The following CCDC88A variants were observed in gnomAD, a reference collection of about 807,000 sequenced individuals.
CCDC88A encodes coiled-coil and HOOK domain protein 88A, also known as girdin.
A neutral mutation model predicts 234.3 loss-of-function variants in CCDC88A; 54 were observed. The ratio of observed to expected loss-of-function variants is 0.23; its 90% CI spans 0.19 to 0.29. The LOEUF (loss-of-function observed/expected upper bound fraction) is 0.29, where lower values mean the gene tolerates loss of function less well. CCDC88A is among the 10% of genes least tolerant of loss of function. CCDC88A has a pLI of 1.00. For missense variants in CCDC88A, 1,832 were observed against 2,123.4 expected, an observed-to-expected ratio of 0.86 and a Z score of 2.70; for synonymous variants, 753 against 737.8, an observed-to-expected ratio of 1.02 and a Z score of -0.33.
chr2:55,376,543 T>C (rs954254612), intron 3 of CCDC88A, among the ~76,000 whole-genome samples: 1 of 152,190 alleles, frequency 6.6e-6, no homozygotes, highest in African/African-American at 2.4e-5. Flanking sequence ...CTATAATTCT[T>C]TATAGATATA....
intron 22 of CCDC88A, 119 bp downstream of exon 22, chr2:55,315,809 C>A: frequency 5.8e-6 from 3 of 513,522 alleles, no homozygotes; most frequent in Admixed American, 3.2e-5. Flanking sequence ...AGACCAAATT[C>A]TTTTAGATAT....
chr2:55,386,417 T>G (rs182720454), intron 3 of CCDC88A, among the ~76,000 whole-genome samples: 1 of 152,016 alleles, frequency 6.6e-6, no homozygotes, highest in East Asian at 1.9e-4. Context: ...CTGGGCAACA[T>G]AGTGAGACTC....
At chr2:55,351,156 C>G (rs1430449524) in intron 8 of CCDC88A, among the ~76,000 whole-genome samples, 1 of 151,982 alleles carries the variant, frequency 6.6e-6, no homozygotes, top group East Asian at 1.9e-4. Flanking sequence ...CCCAGCCTTG[C>G]TTTGAACTCT....
rs1266498277 is a variant in CCDC88A at position 55,388,769 on chromosome 2, A to T, written c.273+9T>A. On this transcript the variant is annotated intron_variant, in intron 3 of 32. Transcript: ENST00000436346. ...ATTAAAACCCCAGATTTTTAAAAAGAGCACTTACCTGGTAATAAAATTTTA... is the reference window on the plus strand; with the variant it reads ...ATTAAAACCCCAGATTTTTAAAAAGTGCACTTACCTGGTAATAAAATTTTA... The T allele has an allele frequency of 2.9e-6, 3 of 1,045,264 alleles. No individual in the cohort carries two copies. Among genetic ancestry groups the T allele is most frequent in the Non-Finnish European group, 4.3e-6 (3 of 692,718 alleles). The allele number at this position is 1,045,264 out of a possible 1,614,324, so 64.7% of individuals were successfully genotyped here. A position where few individuals can be genotyped will look rare whatever the true frequency, so the allele number is the denominator to read the frequency against.
chr2:55,343,560 C>T (rs1668752513), intron 12 of CCDC88A, 88 bp downstream of exon 12: 2 of 957,614 alleles, frequency 2.1e-6, no homozygotes, highest in Admixed American at 2.7e-5. Context: ...TGAGATATCT[C>T]CCACTGCGGA....
intron 18 of CCDC88A, chr2:55,321,037 G>A (rs1683560603): frequency 6.6e-6 from 1 of 151,770 alleles, no homozygotes; most frequent in Non-Finnish European, 1.5e-5. Context: ...TTGAGCCTGG[G>A]AGGATGAGGC....
In CCDC88A at chr2:55,419,407, A is replaced by C; in HGVS notation, c.-328T>G. The C allele has an allele frequency of 3.1e-6, 1 of 320,930 alleles. No individual in the cohort carries two copies. Among genetic ancestry groups the C allele is most frequent in the Non-Finnish European group, 5.9e-6 (1 of 169,974 alleles). 19.9% of individuals were successfully genotyped at this position (320,930 alleles called of 1,614,324 possible). On this transcript the variant is annotated 5_prime_UTR_variant, in exon 1 of 33. Transcript: ENST00000436346. ...GGAACCCAAGACAAAAAGCCCGTCA[A>C]GGTTGTCCAGCTCCTGGAGGATCCA...
chr2:55,345,950 A>G (rs1407717854), intron 10 of CCDC88A: 1 of 358,248 alleles, frequency 2.8e-6, no homozygotes, highest in Admixed American at 4.4e-5. Flanking sequence ...AAAAGGAATA[A>G]AAGAAGAACC....
At chr2:55,380,683 T>G (rs946781517) in intron 3 of CCDC88A, among the ~76,000 whole-genome samples, 1 of 152,196 alleles carries the variant, frequency 6.6e-6, no homozygotes, top group Admixed American at 6.5e-5. Context: ...CAGCATGATC[T>G]CGACTCATTG....
rs1301728464 is a variant in CCDC88A at position 55,419,838 on chromosome 2, A to G, written c.-759T>C. 6.6e-6 allele frequency: 1 copy of G among 151,844 alleles called. No individual in the cohort carries two copies. The highest frequency in any genetic ancestry group is 6.6e-5 in the Admixed American group (1 of 15,262). The allele number at this position is 151,844 out of a possible 1,614,324, so 9.4% of individuals were successfully genotyped here. ...CGCGCTCCAGCCTTCTCCGCCCTCT[A>G]TGGAGAAGCCGGAGTAACGGCCTCA... On this transcript the variant is annotated 5_prime_UTR_variant, in exon 1 of 33. Transcript: ENST00000436346.
At chr2:55,382,415 T>C (rs975687392) in intron 3 of CCDC88A, among the ~76,000 whole-genome samples, 1 of 152,170 alleles carries the variant, frequency 6.6e-6, no homozygotes, top group African/African-American at 2.4e-5. Context: ...AGCATTATTT[T>C]AGTGGTGTTT....
chr2:55,406,773 AAT>A lies in CCDC88A; in HGVS notation c.164+12041_164+12042del, dbSNP rs575097957. Among the ~76,000 whole-genome samples, 344 of 152,096 alleles carry A rather than the reference AAT, an allele frequency of 2.3e-3. 1 individual carries two copies. The highest frequency in any genetic ancestry group is 4.1e-3 in the Non-Finnish European group (277 of 67,968). ...GACCCTGTCTCAAATAAAAAAAAAA[AAT>A]CAAAGACTAGTATCCAACATCTAAA... On this transcript the variant is annotated intron_variant, in intron 2 of 32. Coordinates refer to ENST00000436346, the MANE Select transcript of CCDC88A (RefSeq NM_001365480.1).
At position 55,339,620 on chromosome 2, in the gene CCDC88A, C is replaced by T. The variant is rs936385441; in HGVS notation, c.1362G>A (p.Val454=). 1.2e-6 allele frequency: 2 copies of T among 1,609,330 alleles called. No homozygotes were observed. The highest frequency in any genetic ancestry group is 2.7e-5 in the African/African-American group (2 of 74,554). ...ATAATCTACTTGATGTCAACTCATT[C>T]ACCTCATGGCCCAGGGATTTCTGGG... ...EAPQKSLGHE[V]NELTSSRLLK... Residue 454 remains valine, a synonymous_variant, in exon 13 of 33, where the codon GTG becomes GTA. Transcript: ENST00000436346.
chr2:55,349,790 C>T (rs1486334039), intron 8 of CCDC88A, 191 bp from the exon 9 acceptor site: 3 of 487,968 alleles, frequency 6.1e-6, no homozygotes, highest in African/African-American at 6.0e-5. Flanking sequence ...TTAATAAAAC[C>T]TCTTCCCTAA....
chr2:55,398,992 T>G (rs967907010), intron 2 of CCDC88A, among the ~76,000 whole-genome samples: 1 of 152,164 alleles, frequency 6.6e-6, no homozygotes, highest in Non-Finnish European at 1.5e-5. Flanking sequence ...AAATAATACC[T>G]GGCTTTGCAG....
chr2:55,346,308 C>T lies in CCDC88A; in HGVS notation c.908G>A (p.Arg303His), dbSNP rs1297789580. The T allele has an allele frequency of 5.0e-6, 8 of 1,595,646 alleles. No individual in the cohort carries two copies. The highest frequency in any genetic ancestry group is 1.3e-5 in the African/African-American group (1 of 74,528). The change falls in exon 10 of 33, where the codon CGC (arginine) becomes CAC (histidine). Residue 303 changes from arginine (R) to histidine (H), a missense_variant. Physicochemically the swap from Arg to His is conservative, Grantham distance 29 (BLOSUM62 0). Coordinates refer to ENST00000436346, the MANE Select transcript of CCDC88A (RefSeq NM_001365480.1). ...TTCATCTCGGTACATTCTGGCAGAGCGAGCATCCGAAAGCAAATTCATGTT... is the reference window on the plus strand; with the variant it reads ...TTCATCTCGGTACATTCTGGCAGAGTGAGCATCCGAAAGCAAATTCATGTT... ...QENMNLLSDA[R>H]SARMYRDELD... is the part of the protein sequence containing the mutation.
intron 17 of CCDC88A, chr2:55,324,228 T>C (rs971133695): frequency 6.6e-6 from 1 of 152,194 alleles, no homozygotes; most frequent in Non-Finnish European, 1.5e-5. Flanking sequence ...CCAAAGATAA[T>C]GTCATCTTTA....
intron 10 of CCDC88A, 99 bp downstream of exon 10, chr2:55,346,076 A>C: frequency 1.3e-6 from 1 of 769,326 alleles, no homozygotes; most frequent in Non-Finnish European, 2.1e-6. Context: ...CTGTTTGTTC[A>C]CCATTTCAAG....
chr2:55,344,342 T>A lies in CCDC88A; in HGVS notation c.1188+26A>T, dbSNP rs186505951. ...TTAGAAGTTTTCCTTAAAGGCCATG[T>A]AACTGATCTACCTCTTAAAACTTAC... On this transcript the variant is annotated intron_variant, in intron 11 of 32. Transcript: ENST00000436346. 51 of 1,511,876 alleles carry A rather than the reference T, an allele frequency of 3.4e-5. No homozygotes were observed. The Middle Eastern group carries it at 5.3e-4, about 16-fold the overall frequency. 93.7% of individuals were successfully genotyped at this position (1,511,876 alleles called of 1,614,324 possible).
Sources: gnomAD v4.1 joint callset for allele counts (sites outside exome capture counted in the v4.1 genomes callset) on GRCh38, gnomAD v4.1.1 for gene constraint, MANE v1.5 for transcripts, NCBI Gene and HGNC (gene_info 2026-07-23, HGNC 2026-07-21) for gene names.